Variants in NPC1 observed in about 807,000 individuals in gnomAD.
NPC1 encodes the protein NPC intracellular cholesterol transporter 1.
A neutral mutation model predicts 140.4 loss-of-function variants in NPC1; 85 were observed. The ratio of observed to expected loss-of-function variants is 0.61; its 90% CI spans 0.51 to 0.72. The LOEUF (loss-of-function observed/expected upper bound fraction) is 0.72, where lower values mean the gene tolerates loss of function less well. Among genes scored for constraint, NPC1 ranks in the 30% least tolerant of loss-of-function variants. The pLI is 0.00. For synonymous variants in NPC1, 656 were observed against 624.8 expected (o/e 1.05, Z -0.74); for missense variants, 1,504 against 1,623.8 (o/e 0.93, Z 1.27).
chr18:23,544,256 TCA>T, intron 13 of NPC1, 86 bp downstream of exon 13: 3 of 1,273,162 alleles, frequency 2.4e-6, no homozygotes, highest in South Asian at 1.3e-5. Flanking sequence ...CCCTCACAGG[TCA>T]CACTCACGAA....
intron 2 of NPC1, among the ~76,000 whole-genome samples, chr18:23,572,616 T>C (rs1007288872): frequency 2.0e-5 from 3 of 152,154 alleles, no homozygotes; most frequent in Non-Finnish European, 2.9e-5. Context: ...GGTGGATTGC[T>C]TGAGCCTAGG....
rs1567948623 is a variant in NPC1 at position 23,538,610 on chromosome 18, CT to C, written c.2972del (p.Gln991ArgfsTer6). ...GCAGGAATCTCATGAAGTCTCCCCC[CT>C]GAGGCCTCTGTTTGCCTTCCGGAGT... is the stretch of plus-strand genomic sequence containing the variant. Reference protein sequence around the residue: ...PLTPEGKQRPQGGDFMRFLPM... With the variant: ...PLTPEGKQRPXGGDFMRFLPM... On this transcript the variant is annotated frameshift_variant, in exon 20 of 25. Transcript: ENST00000269228. LOFTEE classifies it high-confidence loss of function. 13 of 1,614,138 alleles carry C rather than the reference CT, an allele frequency of 8.1e-6. No individual in the cohort carries two copies. Among genetic ancestry groups the C allele is most frequent in the South Asian group, 1.1e-5 (1 of 91,072 alleles).
intron 1 of NPC1, among the ~76,000 whole-genome samples, chr18:23,585,425 C>T (rs2059406067): frequency 6.6e-6 from 1 of 152,088 alleles, no homozygotes; most frequent in African/African-American, 2.4e-5. Flanking sequence ...TTCTAGTCCA[C>T]GGAACCCCCT....
downstream of NPC1, chr18:23,518,904 A>G (rs2058075960): frequency 1.2e-6 from 2 of 1,614,102 alleles, no homozygotes; most frequent in East Asian, 2.2e-5. Flanking sequence ...GGGCAGCTGT[A>G]TGTTCTCTTC....
At chr18:23,540,127 T>C (rs1334955605) in intron 17 of NPC1, 126 bp from the exon 18 acceptor site, 6 of 820,138 alleles carry the variant, frequency 7.3e-6, no homozygotes, top group Admixed American at 4.0e-5. Flanking sequence ...GCTGGACTCA[T>C]GATTCCTAAC....
At chr18:23,584,905 G>A (rs2059398135) in intron 1 of NPC1, among the ~76,000 whole-genome samples, 1 of 152,166 alleles carries the variant, frequency 6.6e-6, no homozygotes, top group Non-Finnish European at 1.5e-5. Context: ...TCTAGGAGGG[G>A]CCAGGAGTGG....
intron 17 of NPC1, 28 bp from the exon 18 acceptor site, chr18:23,540,029 G>A (rs762709628): frequency 1.3e-6 from 2 of 1,580,230 alleles, no homozygotes; most frequent in South Asian, 2.2e-5. Flanking sequence ...GAATAGGAGA[G>A]AGTGTGAACA....
At chr18:23,555,015 CA>C (rs780266809) in intron 8 of NPC1, 31 bp from the exon 9 acceptor site, 9 of 1,343,972 alleles carry the variant, frequency 6.7e-6, no homozygotes, top group Non-Finnish European at 9.6e-6. Context: ...TAAGCAAACC[CA>C]GAAACACGTC....
Position 23,536,794 on chromosome 18 carries a change from G to A in NPC1, c.3124C>T (p.His1042Tyr). The A allele has an allele frequency of 6.2e-7, 1 of 1,614,164 alleles. No homozygotes were observed. The highest frequency in any genetic ancestry group is 8.5e-7 in the Non-Finnish European group (1 of 1,180,002). ...RVGATYFMTY[H>Y]TVLQTSADFI... ...TCAGCAGAGGTCTGCAGCACGGTGTGGTAGGTCATGAAGTACGTGGCTCCG... is the reference window on the plus strand; with the variant it reads ...TCAGCAGAGGTCTGCAGCACGGTGTAGTAGGTCATGAAGTACGTGGCTCCG... The change falls in exon 21 of 25, where the codon CAC becomes TAC. Residue 1042 changes from histidine to tyrosine, a missense_variant. Coordinates refer to ENST00000269228, the MANE Select transcript of NPC1 (RefSeq NM_000271.5).
downstream of NPC1, among the ~76,000 whole-genome samples, chr18:23,517,660 T>C (rs979548356): frequency 1.3e-5 from 2 of 152,340 alleles, no homozygotes; most frequent in Admixed American, 6.5e-5. Flanking sequence ...GTAGTTAGTA[T>C]AATGTTCTTT....
At chr18:23,565,296 T>TAA (rs1451619807) in intron 4 of NPC1, among the ~76,000 whole-genome samples, 4 of 152,210 alleles carry the variant, frequency 2.6e-5, no homozygotes, top group Non-Finnish European at 4.4e-5. Flanking sequence ...AAACATGGAA[T>TAA]GTCTTTCCAT....
chr18:23,539,955 T>C lies in NPC1; in HGVS notation c.2651A>G (p.His884Arg), dbSNP rs1427881205. ...GACAAAGTACACAGGCGGACCCGCATGCAGGTACTGACTGATGGATTTGAA... is the reference window on the plus strand; with the variant it reads ...GACAAAGTACACAGGCGGACCCGCACGCAGGTACTGACTGATGGATTTGAA... ...DYFKSISQYLHAGPPVYFVLE... is the reference protein window; with the variant it reads ...DYFKSISQYLRAGPPVYFVLE... Residue 884 changes from histidine (H) to arginine (R), a missense_variant, in exon 18 of 25, where the codon CAT (histidine) becomes CGT (arginine). Transcript: ENST00000269228. 3 of 1,614,240 alleles carry C rather than the reference T, an allele frequency of 1.9e-6. No homozygotes were observed. In the Admixed American group the frequency reaches 5.0e-5, roughly 27 times the overall value.
At chr18:23,522,930 A>G (rs2058182597) in intron 1 of NPC1, 1 of 152,194 alleles carries the variant, frequency 6.6e-6, no homozygotes, top group Non-Finnish European at 1.5e-5. Context: ...TATAACCAGC[A>G]CTTTTGGGAA....
intron 22 of NPC1, 83 bp downstream of exon 22, chr18:23,535,386 A>T: frequency 1.0e-6 from 1 of 985,326 alleles, no homozygotes; most frequent in Non-Finnish European, 1.6e-6. Context: ...CTCCATCTTT[A>T]GGGTTTACAT....
intron 4 of NPC1, among the ~76,000 whole-genome samples, chr18:23,565,776 A>G (rs2059115618): frequency 6.6e-6 from 1 of 152,160 alleles, no homozygotes. Context: ...AATACAACTG[A>G]TTTTTGTATG....
rs1261701054 is a variant in NPC1 at position 23,555,066 on chromosome 18, G to C, written c.1327-82C>G. On this transcript the variant is annotated intron_variant, in intron 8 of 24. Coordinates refer to ENST00000269228, the MANE Select transcript of NPC1 (RefSeq NM_000271.5). ...TCTTGATTAATCAGCATTGCCCTGA[G>C]GGTCAGAAGACAAAGAGTATTTGGG... 1.7e-5 allele frequency: 15 copies of C among 888,794 alleles called. No individual in the cohort carries two copies. In the East Asian group the frequency reaches 3.6e-4, roughly 21 times the overall value. 55.1% of individuals were successfully genotyped at this position (888,794 alleles called of 1,614,324 possible). A position where few individuals can be genotyped will look rare whatever the true frequency, so the allele number is the denominator to read the frequency against.
chr18:23,530,339 C>A (rs756400703), downstream of NPC1: 6 of 1,613,988 alleles, frequency 3.7e-6, no homozygotes, highest in Admixed American at 5.0e-5. Flanking sequence ...GAAACTAACT[C>A]TGTTCCTGTT....
At chr18:23,508,420 T>C (rs2057766906) in intron 3 of NPC1, among the ~76,000 whole-genome samples, 1 of 152,194 alleles carries the variant, frequency 6.6e-6, no homozygotes, top group African/African-American at 2.4e-5. Context: ...TCTTTTTCTG[T>C]TTCCTGAAGT....
chr18:23,561,123 T>C (rs2059032326), intron 5 of NPC1, among the ~76,000 whole-genome samples: 1 of 152,196 alleles, frequency 6.6e-6, no homozygotes, highest in Non-Finnish European at 1.5e-5. Context: ...GCAATCCTCC[T>C]GCCTCAGCCT....
Sources: gnomAD v4.1 joint callset for allele counts (sites outside exome capture counted in the v4.1 genomes callset) on GRCh38, gnomAD v4.1.1 for gene constraint, MANE v1.5 for transcripts, NCBI Gene and HGNC (gene_info 2026-07-23, HGNC 2026-07-21) for gene names.